CEP128: variants seen among roughly 807,000 people sequenced by gnomAD.
CEP128 encodes the protein centrosomal protein 128.
Under a neutral mutation model 156.7 loss-of-function variants are expected in CEP128, and 132 were observed. That is an observed-to-expected ratio of 0.84 (90% CI 0.73 to 0.97). CEP128 has a LOEUF of 0.97. Ranked by LOEUF, CEP128 falls within the 50% of genes least tolerant of loss-of-function variation. The pLI, the probability that CEP128 is intolerant of heterozygous loss-of-function variation, is 0.00. For synonymous variants in CEP128, 469 were observed against 448.9 expected, an observed-to-expected ratio of 1.04 and a Z score of -0.57; for missense variants, 1,252 against 1,281.9, an observed-to-expected ratio of 0.98 and a Z score of 0.36.
intron 8 of CEP128, among the ~76,000 whole-genome samples, chr14:80,872,980 G>A (rs774791818): frequency 7.2e-5 from 11 of 152,192 alleles, no homozygotes; most frequent in Admixed American, 3.3e-4. Context: ...GATGCCCTTC[G>A]TGCAATTATG....
At chr14:80,701,289 C>T (rs977810787) in intron 19 of CEP128, among the ~76,000 whole-genome samples, 2 of 152,032 alleles carry the variant, frequency 1.3e-5, no homozygotes, top group African/African-American at 2.4e-5. Flanking sequence ...GAGAGGCTGC[C>T]GTAACTGCTG....
intron 19 of CEP128, among the ~76,000 whole-genome samples, chr14:80,586,080 G>T (rs956356526): frequency 6.6e-6 from 1 of 151,276 alleles, no homozygotes; most frequent in Non-Finnish European, 1.5e-5. Context: ...AGAGACAAGA[G>T]AACACAGAAA....
rs562609541 is a variant in CEP128 at position 80,941,705 on chromosome 14, T to G, written c.-296A>C. On this transcript the variant is annotated 5_prime_UTR_variant, in exon 1 of 25. Transcript: ENST00000555265. The stretch of plus-strand genomic sequence containing the variant: ...AACGCAGCGACTCAACCGACTGTGC[T>G]CTCCCCAGACTCGCAGCTATGGCAA... The G allele has an allele frequency of 9.2e-5, 14 of 152,748 alleles. No homozygotes were observed. The highest frequency in any genetic ancestry group is 1.9e-4 in the East Asian group (1 of 5,168). The allele number at this position is 152,748 out of a possible 1,614,324, so 9.5% of individuals were successfully genotyped here.
At chr14:80,783,091 T>C (rs1296331128) in intron 15 of CEP128, among the ~76,000 whole-genome samples, 2 of 152,178 alleles carry the variant, frequency 1.3e-5, no homozygotes, top group African/African-American at 4.8e-5. Flanking sequence ...CTACTAATTA[T>C]TATGTACTAA....
intron 19 of CEP128, among the ~76,000 whole-genome samples, chr14:80,612,556 A>G (rs1893035283): frequency 1.3e-5 from 2 of 152,220 alleles, no homozygotes; most frequent in Non-Finnish European, 2.9e-5. Context: ...AACAAAGGAT[A>G]ATCACATTAT....
intron 10 of CEP128, among the ~76,000 whole-genome samples, chr14:80,839,505 A>G (rs1423605834): frequency 6.7e-6 from 1 of 150,032 alleles, no homozygotes; most frequent in Non-Finnish European, 1.5e-5. Flanking sequence ...CTTCACACAA[A>G]CACACACACA....
intron 8 of CEP128, among the ~76,000 whole-genome samples, chr14:80,893,717 A>G (rs920724880): frequency 1.3e-5 from 2 of 151,882 alleles, no homozygotes; most frequent in Non-Finnish European, 2.9e-5. Context: ...GTGGGTAAGA[A>G]ATTTTGGGGG....
intron 9 of CEP128, among the ~76,000 whole-genome samples, chr14:80,852,496 T>C (rs1886941574): frequency 6.6e-6 from 1 of 151,616 alleles, no homozygotes; most frequent in Non-Finnish European, 1.5e-5. Context: ...ATCCTTTAAA[T>C]GAAGAGAAAG....
At chr14:80,916,337 A>C in intron 3 of CEP128, 64 bp downstream of exon 3, 1 of 1,326,752 alleles carries the variant, frequency 7.5e-7, no homozygotes, top group South Asian at 1.3e-5. Flanking sequence ...TAATCCACTG[A>C]CTGAAACTAT....
intron 6 of CEP128, among the ~76,000 whole-genome samples, chr14:80,901,346 T>C (rs1883552856): frequency 6.6e-6 from 1 of 152,334 alleles, no homozygotes; most frequent in Admixed American, 6.5e-5. Context: ...GTATGATTTA[T>C]AATAAAACTA....
intron 19 of CEP128, among the ~76,000 whole-genome samples, chr14:80,656,139 A>C (rs1206741471): frequency 6.6e-6 from 1 of 151,376 alleles, no homozygotes; most frequent in Non-Finnish European, 1.5e-5. Context: ...CAGAGGAAAA[A>C]CTGTACATCT....
intron 24 of CEP128, among the ~76,000 whole-genome samples, chr14:80,497,854 C>T (rs1887561910): frequency 1.3e-5 from 2 of 152,090 alleles, no homozygotes; most frequent in Admixed American, 6.6e-5. Context: ...TGATATAAAC[C>T]ACACCGGTGT....
chr14:80,646,747 T>C (rs1894650386), intron 19 of CEP128, among the ~76,000 whole-genome samples: 1 of 151,618 alleles, frequency 6.6e-6, no homozygotes, highest in African/African-American at 2.4e-5. Context: ...ATTAAATATT[T>C]TCATGAATGT....
intron 2 of CEP128, among the ~76,000 whole-genome samples, chr14:80,923,151 T>C (rs760607321): frequency 4.6e-5 from 7 of 152,230 alleles, no homozygotes; most frequent in African/African-American, 7.2e-5. Context: ...AACAAATCAG[T>C]ATTTAAAGGC....
intron 2 of CEP128, among the ~76,000 whole-genome samples, chr14:80,921,559 A>C (rs574035710): frequency 6.6e-6 from 1 of 152,222 alleles, no homozygotes; most frequent in Non-Finnish European, 1.5e-5. Context: ...GAGCTAAGAC[A>C]ACCAATATAT....
chr14:80,527,747 T>A (rs1357267545), intron 22 of CEP128, among the ~76,000 whole-genome samples: 1 of 152,168 alleles, frequency 6.6e-6, no homozygotes, highest in East Asian at 1.9e-4. Context: ...ATAAACAACA[T>A]CCCACCTTTT....
At chr14:80,870,722 C>T (rs554465169) in intron 8 of CEP128, among the ~76,000 whole-genome samples, 60 of 151,870 alleles carry the variant, frequency 4.0e-4, no homozygotes, top group African/African-American at 1.0e-3. Flanking sequence ...TTCCATTCAA[C>T]GTAGTACTGA....
chr14:80,601,854 C>T (rs759343203), intron 19 of CEP128, among the ~76,000 whole-genome samples: 2 of 124,048 alleles, frequency 1.6e-5, no homozygotes, highest in Non-Finnish European at 3.3e-5. Flanking sequence ...CCATCATTAA[C>T]CAAAATGTTC....
At chr14:80,555,107 G>A (rs529057336) in intron 21 of CEP128, among the ~76,000 whole-genome samples, 3 of 152,142 alleles carry the variant, frequency 2.0e-5, no homozygotes, top group East Asian at 1.9e-4. Flanking sequence ...ATTTCAGAAC[G>A]TCAGAATGAC....
Sources: gnomAD v4.1 joint callset for allele counts (sites outside exome capture counted in the v4.1 genomes callset) on GRCh38, gnomAD v4.1.1 for gene constraint, MANE v1.5 for transcripts, NCBI Gene and HGNC (gene_info 2026-07-23, HGNC 2026-07-21) for gene names.